EPHA3: variants seen among roughly 807,000 people sequenced by gnomAD.
EPHA3 encodes the protein ephrin type-A receptor 3.
A neutral mutation model predicts 107.1 loss-of-function variants in EPHA3; 42 were observed. That is an observed-to-expected ratio of 0.39 (90% confidence interval 0.31 to 0.51). The LOEUF (loss-of-function observed/expected upper bound fraction) is 0.51, where lower values mean the gene tolerates loss of function less well. Among genes scored for constraint, EPHA3 ranks in the 20% least tolerant of loss-of-function variants. The pLI is 0.78. For synonymous variants in EPHA3, 461 were observed against 424.8 expected (o/e 1.09, Z -1.05); for missense variants, 1,183 against 1,211.2 (o/e 0.98, Z 0.35).
intron 3 of EPHA3, among the ~76,000 whole-genome samples, chr3:89,316,515 T>C (rs993722509): frequency 7.2e-6 from 1 of 138,778 alleles, no homozygotes; most frequent in African/African-American, 2.7e-5. Flanking sequence ...AATATATATA[T>C]ATATATATAT....
At chr3:89,275,750 T>A in intron 3 of EPHA3, among the ~76,000 whole-genome samples, 1 of 152,092 alleles carries the variant, frequency 6.6e-6, no homozygotes, top group African/African-American at 2.4e-5. Flanking sequence ...TTGGTTTAAG[T>A]TTTCTGACTC....
At chr3:89,319,398 A>G (rs1252261919) in intron 3 of EPHA3, among the ~76,000 whole-genome samples, 1 of 151,984 alleles carries the variant, frequency 6.6e-6, no homozygotes, top group Non-Finnish European at 1.5e-5. Context: ...CAGTATTAGG[A>G]TATCCGATAC....
chr3:89,319,893 G>A (rs113988434), intron 3 of EPHA3, among the ~76,000 whole-genome samples: 17 of 151,754 alleles, frequency 1.1e-4, no homozygotes, highest in South Asian at 2.1e-4. Context: ...TTTAAAACTC[G>A]TGGGCTTGTT....
intron 1 of EPHA3, among the ~76,000 whole-genome samples, chr3:89,126,962 T>C (rs1428608645): frequency 6.6e-6 from 1 of 151,866 alleles, no homozygotes; most frequent in Non-Finnish European, 1.5e-5. Flanking sequence ...TGCCAGTATA[T>C]TGAACATTAA....
intron 6 of EPHA3, among the ~76,000 whole-genome samples, chr3:89,396,420 G>T (rs2107504793): frequency 6.6e-6 from 1 of 152,140 alleles, no homozygotes; most frequent in African/African-American, 2.4e-5. Flanking sequence ...ATGATGAAAA[G>T]ATTTTCTTGA....
intron 3 of EPHA3, among the ~76,000 whole-genome samples, chr3:89,258,554 A>C (rs935523846): frequency 8.5e-5 from 13 of 152,220 alleles, no homozygotes; most frequent in African/African-American, 3.1e-4. Flanking sequence ...AAATTGAAAT[A>C]ATATATATGG....
intron 3 of EPHA3, among the ~76,000 whole-genome samples, chr3:89,328,233 C>A (rs1393972743): frequency 6.6e-6 from 1 of 152,156 alleles, no homozygotes; most frequent in Non-Finnish European, 1.5e-5. Context: ...TCCCTCTACC[C>A]AATAAAGTTC....
chr3:89,375,343 A>G (rs1475367915), intron 5 of EPHA3, among the ~76,000 whole-genome samples: 1 of 151,856 alleles, frequency 6.6e-6, no homozygotes, highest in Non-Finnish European at 1.5e-5. Context: ...GAATTTGAAT[A>G]TAGGTTGTTT....
At chr3:89,172,019 G>A (rs1323484475) in intron 2 of EPHA3, among the ~76,000 whole-genome samples, 1 of 151,978 alleles carries the variant, frequency 6.6e-6, no homozygotes, top group African/African-American at 2.4e-5. Flanking sequence ...TTCCTTCTTC[G>A]TAACCAACCG....
At chr3:89,249,495 C>G (rs989628163) in intron 3 of EPHA3, among the ~76,000 whole-genome samples, 2 of 152,102 alleles carry the variant, frequency 1.3e-5, no homozygotes, top group Non-Finnish European at 2.9e-5. Context: ...GGGTCTGGCT[C>G]TGGCACCCAG....
At chr3:89,145,228 C>G (rs1234038973) in intron 2 of EPHA3, among the ~76,000 whole-genome samples, 1 of 151,424 alleles carries the variant, frequency 6.6e-6, no homozygotes, top group African/African-American at 2.4e-5. Context: ...ATAATTCAAA[C>G]AAGTTAGAAA....
rs967796299 is a variant in EPHA3 at position 89,141,980 on chromosome 3, GT to G, written c.153+14711del. 4.0e-5 allele frequency among the ~76,000 whole-genome samples: 6 copies of G among 151,296 alleles called. No individual in the cohort carries two copies. In the East Asian group the frequency reaches 1.2e-3, roughly 29 times the overall value. On this transcript the variant is annotated intron_variant, in intron 2 of 16. Transcript: ENST00000336596. ...GAAATTTATATAATGTACTTCTAGA[GT>G]TTTAGCAGAGTCAATTATGGGTATT...
intron 3 of EPHA3, among the ~76,000 whole-genome samples, chr3:89,331,107 G>C (rs928404008): frequency 6.6e-6 from 1 of 152,140 alleles, no homozygotes; most frequent in African/African-American, 2.4e-5. Flanking sequence ...CACATAGAGT[G>C]TGCAAGTGTG....
At chr3:89,253,680 T>G (rs1404526578) in intron 3 of EPHA3, among the ~76,000 whole-genome samples, 1 of 152,180 alleles carries the variant, frequency 6.6e-6, no homozygotes, top group African/African-American at 2.4e-5. Flanking sequence ...ACTGTCATCT[T>G]CGTTTCATTT....
intron 13 of EPHA3, 22 bp downstream of exon 13, chr3:89,431,381 CT>C (rs1229089779): frequency 6.3e-7 from 1 of 1,592,282 alleles, no homozygotes; most frequent in East Asian, 2.2e-5. Flanking sequence ...AGATTTTCTC[CT>C]TTTTTATCAT....
intron 3 of EPHA3, among the ~76,000 whole-genome samples, chr3:89,219,714 T>TTG (rs1704318891): frequency 2.7e-5 from 1 of 37,434 alleles, no homozygotes; most frequent in African/African-American, 6.7e-5. Context: ...TTTTTTGTTT[T>TTG]TTTTTTTTTT....
chr3:89,338,748 C>G (rs1252034719), intron 3 of EPHA3, among the ~76,000 whole-genome samples: 1 of 152,112 alleles, frequency 6.6e-6, no homozygotes, highest in Non-Finnish European at 1.5e-5. Context: ...GGGGTTTCAC[C>G]GTGTTAGCCA....
intron 3 of EPHA3, among the ~76,000 whole-genome samples, chr3:89,325,967 T>G (rs1440947609): frequency 2.6e-5 from 4 of 151,184 alleles, no homozygotes. Context: ...AAATCTTTAA[T>G]ATAACCAAAG....
intron 3 of EPHA3, among the ~76,000 whole-genome samples, chr3:89,313,613 A>T (rs1004989892): frequency 6.6e-6 from 1 of 151,980 alleles, no homozygotes; most frequent in African/African-American, 2.4e-5. Flanking sequence ...GGAAATTTTC[A>T]TAAGTCTATG....
Sources: allele counts gnomAD v4.1 joint callset (sites outside exome capture counted in the v4.1 genomes callset), GRCh38; gene constraint gnomAD v4.1.1; transcripts MANE v1.5; gene names NCBI Gene and HGNC (gene_info 2026-07-23, HGNC 2026-07-21).